CLCN2: variants seen among roughly 807,000 people sequenced by gnomAD.
CLCN2 encodes chloride channel protein 2.
In CLCN2, 72 loss-of-function variants were observed where a neutral mutation model predicts 108.3. That is an observed-to-expected ratio of 0.66 (90% confidence interval 0.55 to 0.81). CLCN2 has a LOEUF of 0.81. Ranked by LOEUF, CLCN2 falls within the 30% of genes least tolerant of loss-of-function variation. The pLI is 0.00. For synonymous variants in CLCN2, 471 were observed against 467.1 expected, an observed-to-expected ratio of 1.01 and a Z score of -0.11; for missense variants, 1,048 against 1,205.2, an observed-to-expected ratio of 0.87 and a Z score of 1.93.
Position 184,357,806 on chromosome 3 carries a change from G to T in CLCN2, c.666C>A (p.Phe222Leu), listed in dbSNP as rs763720430. ...CATAGATACCCCCAAAGAGGGAGAG[G>T]AACTTGCTGAGAAGGGCAGCACACA... ...ASMCAALLSK[F>L]LSLFGGIYEN... Residue 222 changes from phenylalanine to leucine, a missense_variant, in exon 6 of 24, where the codon TTC (phenylalanine) becomes TTA (leucine). By Grantham distance (22) the Phe-to-Leu change is conservative. Transcript: ENST00000265593. 4 of 1,614,000 alleles carry T rather than the reference G, an allele frequency of 2.5e-6. No homozygotes were observed. Among genetic ancestry groups the T allele is most frequent in the Non-Finnish European group, 3.4e-6 (4 of 1,180,014 alleles).
chr3:184,350,891 A>G (rs1728042551), intron 22 of CLCN2, among the ~76,000 whole-genome samples: 1 of 152,186 alleles, frequency 6.6e-6, no homozygotes, highest in Non-Finnish European at 1.5e-5. Flanking sequence ...GCACATAGCA[A>G]GCACTCGAAA....
At position 184,357,311 on chromosome 3, in the gene CLCN2, C is replaced by T. The variant is rs745438922; in HGVS notation, c.899-45G>A. ...AGGGAGGCAGGCCTAGCCTCGTGGG[C>T]CCCCTACCTGGCACCATCTCGGGCT... On this transcript the variant is annotated intron_variant, in intron 8 of 23. Transcript: ENST00000265593. 3.7e-6 allele frequency: 6 copies of T among 1,613,966 alleles called. No homozygotes were observed. The South Asian group carries it at 5.5e-5, about 15-fold the overall frequency.
At chr3:184,350,657 G>A (rs1169265046) in intron 22 of CLCN2, among the ~76,000 whole-genome samples, 2 of 151,922 alleles carry the variant, frequency 1.3e-5, no homozygotes, top group Admixed American at 6.6e-5. Flanking sequence ...GGCTGGTCTC[G>A]AACTGCTGAC....
At position 184,353,163 on chromosome 3, in the gene CLCN2, G is replaced by A. The variant is rs772459003; in HGVS notation, c.2029-16C>T. On this transcript the variant is annotated splice_polypyrimidine_tract_variant and intron_variant, in intron 17 of 23. Coordinates refer to ENST00000265593, the MANE Select transcript of CLCN2 (RefSeq NM_004366.6). ...CTGTGTTCACCTGCATAGGCAGGAAGGGGCTGGTGAGGCCACGGCCCCAGA... is the reference window on the plus strand; with the variant it reads ...CTGTGTTCACCTGCATAGGCAGGAAAGGGCTGGTGAGGCCACGGCCCCAGA... The A allele has an allele frequency of 1.5e-5, 24 of 1,613,574 alleles. No homozygotes were observed. The highest frequency in any genetic ancestry group is 1.3e-5 in the Non-Finnish European group (15 of 1,179,590).
In CLCN2 at chr3:184,357,004, G is replaced by A. The variant is rs1224571368; in HGVS notation, c.1074C>T (p.Phe358=). Residue 358 remains phenylalanine, a synonymous_variant, in exon 10 of 24, where the codon TTC becomes TTT. Transcript: ENST00000265593. Reference sequence around the variant, plus strand: ...CGAGAGCCACTCACTTCCTCATGAGGAAGCGATTGATGGTTTTCTGCTTCC... The same window carrying A: ...CGAGAGCCACTCACTTCCTCATGAGAAAGCGATTGATGGTTTTCTGCTTCC... ...VMRKQKTINR[F]LMRKRLLFPA... 1.5e-5 allele frequency: 24 copies of A among 1,612,766 alleles called. No homozygotes were observed. Among genetic ancestry groups the A allele is most frequent in the East Asian group, 2.2e-5 (1 of 44,886 alleles).
chr3:184,352,951 C>G, intron 18 of CLCN2, 82 bp downstream of exon 18: 1 of 1,537,074 alleles, frequency 6.5e-7, no homozygotes, highest in African/African-American at 1.4e-5. Context: ...GGGATGTACC[C>G]CAGCAACAGG....
Position 184,356,029 on chromosome 3 carries a change from A to G in CLCN2, c.1086-251T>C, listed in dbSNP as rs1189571248. ...CTCTGTAGGTGGGTAGCAGCAGCAG[A>G]AAGTCCATCCTCCAAGCCCTCCCTT... On this transcript the variant is annotated intron_variant, in intron 10 of 23. Transcript: ENST00000265593. 9 of 507,820 alleles carry G rather than the reference A, an allele frequency of 1.8e-5. No individual in the cohort carries two copies. In the East Asian group the frequency reaches 3.3e-4, roughly 18 times the overall value. 31.5% of individuals were successfully genotyped at this position (507,820 alleles called of 1,614,324 possible). A position where few individuals can be genotyped will look rare whatever the true frequency, so the allele number is the denominator to read the frequency against.
chr3:184,351,984 C>T (rs764106049), intron 22 of CLCN2, 29 bp downstream of exon 22: 2 of 1,541,494 alleles, frequency 1.3e-6, no homozygotes, highest in Non-Finnish European at 1.8e-6. Flanking sequence ...AGAGCCTAGA[C>T]CAGCCCTGGG....
intron 2 of CLCN2, 44 bp from the exon 3 acceptor site, chr3:184,358,857 G>A (rs1402797316): frequency 1.9e-6 from 3 of 1,613,718 alleles, no homozygotes; most frequent in Admixed American, 1.7e-5. Flanking sequence ...GCACCAAAGT[G>A]CTCCTACCCC....
At position 184,355,069 on chromosome 3, in the gene CLCN2, G is replaced by A. The variant is rs531378306; in HGVS notation, c.1327-96C>T. On this transcript the variant is annotated intron_variant, in intron 12 of 23. Coordinates refer to ENST00000265593, the MANE Select transcript of CLCN2 (RefSeq NM_004366.6). This position sits in a 1 kb window ranked among gnomAD's most constrained non-coding sequence, Gnocchi z 6.3. ...GAGAAGTCTACCTCGCTGATCAGGT[G>A]GGCGTAACCCTCCCAGCCACCCCGT... The A allele has an allele frequency of 1.6e-6, 2 of 1,221,234 alleles. No individual in the cohort carries two copies. The highest frequency in any genetic ancestry group is 2.5e-5 in the South Asian group (2 of 81,038). The allele number at this position is 1,221,234 out of a possible 1,614,324, so 75.6% of individuals were successfully genotyped here.
intron 1 of CLCN2, 123 bp from the exon 2 acceptor site, chr3:184,359,254 C>A: frequency 8.2e-7 from 1 of 1,219,750 alleles, no homozygotes; most frequent in Non-Finnish European, 1.2e-6. Flanking sequence ...CTTGAACGCA[C>A]AGTTCCCACT....
At chr3:184,357,913 C>A in intron 5 of CLCN2, 49 bp downstream of exon 5, 1 of 1,613,670 alleles carries the variant, frequency 6.2e-7, no homozygotes, top group East Asian at 2.2e-5. Context: ...CTTGGCCTGG[C>A]CTCCTCTTCC....
intron 22 of CLCN2, chr3:184,348,525 T>C (rs1220700592): frequency 6.6e-6 from 1 of 151,992 alleles, no homozygotes; most frequent in Non-Finnish European, 1.5e-5. Flanking sequence ...TCTGTGTTTC[T>C]TGAATACCTA....
intron 1 of CLCN2, among the ~76,000 whole-genome samples, chr3:184,360,797 C>T (rs1266683781): frequency 1.3e-5 from 2 of 152,142 alleles, no homozygotes; most frequent in East Asian, 1.9e-4. Context: ...GGCTGGATAC[C>T]CCGCATCAGC....
intron 16 of CLCN2, 106 bp from the exon 17 acceptor site, chr3:184,353,528 A>G: frequency 1.3e-6 from 2 of 1,542,634 alleles, no homozygotes; most frequent in Non-Finnish European, 1.8e-6. Context: ...CACACACCAG[A>G]GGGAAGCCCC....
intron 1 of CLCN2, among the ~76,000 whole-genome samples, chr3:184,359,659 T>TCC (rs1009458806): frequency 3.2e-4 from 48 of 149,330 alleles, no homozygotes; most frequent in African/African-American, 1.2e-3. Flanking sequence ...CCCACCCTAA[T>TCC]CCCCTTGTCC....
chr3:184,360,062 G>A (rs773318192), intron 1 of CLCN2, among the ~76,000 whole-genome samples: 9 of 151,932 alleles, frequency 5.9e-5, no homozygotes, highest in Non-Finnish European at 1.2e-4. Context: ...AGAGAAGAGA[G>A]GGAACTAGAG....
Position 184,353,231 on chromosome 3 carries a change from T to C in CLCN2, c.2028+19A>G, listed in dbSNP as rs11920716. On this transcript the variant is annotated intron_variant, in intron 17 of 23. Transcript: ENST00000265593. ...CTACACAATGACATTTAGGAAGCGT[T>C]TGTGGCTTTTCCCCTCACCTGGAAG... The C allele has an allele frequency of 0.26, 426,735 of 1,611,214 alleles. 59,891 individuals are homozygous for C. The highest frequency in any genetic ancestry group is 0.29 in the Middle Eastern group (1,766 of 6,048).
chr3:184,351,982 G>T, intron 22 of CLCN2, 31 bp downstream of exon 22: 1 of 1,525,880 alleles, frequency 6.6e-7, no homozygotes, highest in Non-Finnish European at 9.1e-7. Context: ...TGAGAGCCTA[G>T]ACCAGCCCTG....
Sources: allele counts gnomAD v4.1 joint callset (sites outside exome capture counted in the v4.1 genomes callset), GRCh38; gene constraint gnomAD v4.1.1; non-coding constraint Gnocchi (gnomAD v3.1); transcripts MANE v1.5; gene names NCBI Gene and HGNC (gene_info 2026-07-23, HGNC 2026-07-21).